The following TRMT9B variants were observed in gnomAD, a reference collection of about 807,000 sequenced individuals.
TRMT9B encodes the protein probable tRNA methyltransferase 9B.
TRMT9B carries 16 observed loss-of-function variants against 11.5 expected under a neutral mutation model. That is an observed-to-expected ratio of 1.39 (90% CI 0.94 to 2.11). TRMT9B has a LOEUF of 2.11. Among genes scored for constraint, TRMT9B ranks in the 30% most tolerant of loss-of-function variants. The pLI is 0.00. For missense variants in TRMT9B, 941 were observed against 553.8 expected (o/e 1.70, Z -7.02); for synonymous variants, 274 against 192.4 (o/e 1.42, Z -3.51).
At chr8:12,990,199 C>T (rs185221469) in intron 1 of TRMT9B, among the ~76,000 whole-genome samples, 36 of 152,294 alleles carry the variant, frequency 2.4e-4, no homozygotes, top group African/African-American at 8.4e-4. Flanking sequence ...CCATTCACCC[C>T]ACTTGCAGAC....
At chr8:12,970,452 A>G (rs6986590) in intron 1 of TRMT9B, among the ~76,000 whole-genome samples, 1 of 152,138 alleles carries the variant, frequency 6.6e-6, no homozygotes, top group Non-Finnish European at 1.5e-5. Flanking sequence ...CATGATTCCA[A>G]TCCAATTTCA....
chr8:12,975,930 C>G (rs1804376480), intron 1 of TRMT9B, among the ~76,000 whole-genome samples: 1 of 152,048 alleles, frequency 6.6e-6, no homozygotes, highest in South Asian at 2.1e-4. Context: ...AATAAACAAG[C>G]ATCAACAAAT....
rs150940704 is a variant in TRMT9B, at chr8:13,024,502, A to T, written c.*2458A>T. ...TCCTCTCTCTGAAGCCTATTGTCAC[A>T]TGGGTTTTTAATCCTGGCCTTGCTG... On this transcript the variant is annotated 3_prime_UTR_variant, in exon 5 of 5. Transcript: ENST00000524591. 14 of 167,184 alleles carry T rather than the reference A, an allele frequency of 8.4e-5. No individual in the cohort carries two copies. The highest frequency in any genetic ancestry group is 3.4e-4 in the African/African-American group (14 of 41,560). The allele number at this position is 167,184 out of a possible 1,614,324, so 10.4% of individuals were successfully genotyped here. A position where few individuals can be genotyped will look rare whatever the true frequency, so the allele number is the denominator to read the frequency against.
At chr8:12,966,580 A>G (rs1408264584) in intron 1 of TRMT9B, among the ~76,000 whole-genome samples, 1 of 152,208 alleles carries the variant, frequency 6.6e-6, no homozygotes, top group Non-Finnish European at 1.5e-5. Context: ...AGCTATTTCT[A>G]TTGTTTAGCC....
Position 13,012,855 on chromosome 8 carries a change from G to A in TRMT9B, c.326G>A (p.Gly109Glu). 2.5e-6 allele frequency: 4 copies of A among 1,613,560 alleles called. No individual in the cohort carries two copies. The highest frequency in any genetic ancestry group is 2.2e-5 in the South Asian group (2 of 91,028). Residue 109 changes from glycine (G) to glutamate (E), a missense_variant and splice_region_variant, in exon 4 of 5, where the codon GGA (glycine) becomes GAA (glutamate). Physicochemically the swap from Gly to Glu is moderately conservative, Grantham distance 98. Transcript: ENST00000524591. ...GGCTTCGATGCCATCATCTCCATAGGAGGTAAGGCAGCCAGATCACACATT... is the reference window on the plus strand; with the variant it reads ...GGCTTCGATGCCATCATCTCCATAGAAGGTAAGGCAGCCAGATCACACATT... ...DEGFDAIISI[G>E]VIHHFSTKQR...
chr8:12,987,658 C>T (rs1259737996), intron 1 of TRMT9B, among the ~76,000 whole-genome samples: 1 of 150,628 alleles, frequency 6.6e-6, no homozygotes, highest in East Asian at 2.0e-4. Flanking sequence ...TGCCACTGCA[C>T]TCCAGCCTGG....
chr8:13,004,176 C>G (rs1809987777), intron 2 of TRMT9B, among the ~76,000 whole-genome samples: 1 of 151,920 alleles, frequency 6.6e-6, no homozygotes, highest in Non-Finnish European at 1.5e-5. Context: ...CGGCAGGCCT[C>G]ACCACTGTAG....
intron 3 of TRMT9B, 78 bp downstream of exon 3, chr8:13,006,434 G>A (rs972135449): frequency 3.9e-6 from 6 of 1,548,118 alleles, no homozygotes; most frequent in South Asian, 1.3e-5. Context: ...CAGCCTCATC[G>A]CTGACATAGG....
intron 2 of TRMT9B, among the ~76,000 whole-genome samples, chr8:13,005,154 A>G (rs980900108): frequency 6.6e-6 from 1 of 152,030 alleles, no homozygotes; most frequent in African/African-American, 2.4e-5. Context: ...ATGGATCTGG[A>G]GGTCATTATG....
At chr8:12,994,089 C>T (rs981125109) in intron 2 of TRMT9B, among the ~76,000 whole-genome samples, 1 of 152,176 alleles carries the variant, frequency 6.6e-6, no homozygotes, top group African/African-American at 2.4e-5. Context: ...AGTCAATGTG[C>T]CTGGCAGGCC....
intron 1 of TRMT9B, among the ~76,000 whole-genome samples, chr8:12,982,599 T>C (rs1358233436): frequency 1.3e-5 from 2 of 151,848 alleles, no homozygotes; most frequent in African/African-American, 4.8e-5. Flanking sequence ...GAGGCGGAGG[T>C]TGCAGTGAGC....
intron 1 of TRMT9B, among the ~76,000 whole-genome samples, chr8:12,972,501 C>T (rs1052510541): frequency 5.3e-5 from 8 of 152,214 alleles, no homozygotes; most frequent in African/African-American, 1.9e-4. Flanking sequence ...GGGTGAAGGG[C>T]TGTTGCTGGC....
chr8:12,983,706 G>A (rs192720374), intron 1 of TRMT9B, among the ~76,000 whole-genome samples: 1 of 152,202 alleles, frequency 6.6e-6, no homozygotes, highest in East Asian at 1.9e-4. Flanking sequence ...CTAGCAGAAT[G>A]TCTCCTCATC....
chr8:13,020,225 C>A (rs1813557685), intron 4 of TRMT9B, among the ~76,000 whole-genome samples: 1 of 152,290 alleles, frequency 6.6e-6, no homozygotes, highest in East Asian at 1.9e-4. Context: ...TATATTGGTG[C>A]ATCTATGTAG....
Position 13,028,632 on chromosome 8 carries a change from G to A in TRMT9B, c.*6588G>A, listed in dbSNP as rs1324984563. The A allele has an allele frequency of 1.4e-5, 2 of 143,752 alleles. No homozygotes were observed. Among genetic ancestry groups the A allele is most frequent in the East Asian group, 2.1e-4 (1 of 4,688 alleles). The allele number at this position is 143,752 out of a possible 1,614,324, so 8.9% of individuals were successfully genotyped here. A position where few individuals can be genotyped will look rare whatever the true frequency, so the allele number is the denominator to read the frequency against. ...ACTCTGTCACCCAGGCTGGAGGGCAGTAGTGCAGTCTCAGCTCATTGCAAC... is the reference window on the plus strand; with the variant it reads ...ACTCTGTCACCCAGGCTGGAGGGCAATAGTGCAGTCTCAGCTCATTGCAAC... On this transcript the variant is annotated 3_prime_UTR_variant, in exon 5 of 5. Transcript: ENST00000524591.
At chr8:13,011,484 T>C (rs1163265616) in intron 3 of TRMT9B, 3 of 981,872 alleles carry the variant, frequency 3.1e-6, no homozygotes, top group Non-Finnish European at 3.6e-6. Flanking sequence ...ATTTCATCAG[T>C]AATGCCAATA....
intron 1 of TRMT9B, among the ~76,000 whole-genome samples, chr8:12,961,429 C>T (rs141287155): frequency 0.056 from 8,443 of 151,974 alleles, 293 homozygotes; most frequent in South Asian, 0.1. Context: ...CGGCCGGGCG[C>T]GGTGGCTCAC....
intron 1 of TRMT9B, chr8:12,952,135 G>T (rs1236930352): frequency 4.4e-6 from 2 of 450,322 alleles, no homozygotes; most frequent in Non-Finnish European, 8.9e-6. Context: ...CCTGGCTGCG[G>T]GACAGCGCTG....
intron 1 of TRMT9B, among the ~76,000 whole-genome samples, chr8:12,949,039 A>G (rs1258108147): frequency 6.6e-6 from 1 of 152,220 alleles, no homozygotes; most frequent in Non-Finnish European, 1.5e-5. Flanking sequence ...ACTATGGCCA[A>G]CACACTTTAT....
Sources: gnomAD v4.1 joint callset for allele counts (sites outside exome capture counted in the v4.1 genomes callset) on GRCh38, gnomAD v4.1.1 for gene constraint, MANE v1.5 for transcripts, NCBI Gene and HGNC (gene_info 2026-07-23, HGNC 2026-07-21) for gene names.